Variants in ITGA2 observed in about 807,000 individuals in gnomAD.
ITGA2 encodes the protein integrin alpha-2.
A neutral mutation model predicts 146.3 loss-of-function variants in ITGA2; 101 were observed. The observed-to-expected ratio is 0.69, with a 90% confidence interval of 0.59 to 0.81. ITGA2 has a LOEUF of 0.81. Among genes scored for constraint, ITGA2 ranks in the 40% least tolerant of loss-of-function variants. The probability of loss-of-function intolerance (pLI) is 0.00; values close to 1 mark genes in which losing one functional copy is unlikely to be tolerated. For synonymous variants in ITGA2, 477 were observed against 487.1 expected (o/e 0.98, Z 0.27); for missense variants, 1,281 against 1,402.7 (o/e 0.91, Z 1.39).
rs1283086626 is a variant in ITGA2, at chr5:52,999,156, C to T, written c.64+9624C>T. Reference sequence around the variant, plus strand: ...CCTTTTCTGTTCTCATAAAGCAACACCATAATTTATCTTCAGCTTGACTCT... The same window carrying T: ...CCTTTTCTGTTCTCATAAAGCAACATCATAATTTATCTTCAGCTTGACTCT... On this transcript the variant is annotated intron_variant, in intron 1 of 29. Transcript: ENST00000296585. 3.3e-5 allele frequency among the ~76,000 whole-genome samples: 5 copies of T among 152,188 alleles called. 1 individual carries two copies. The South Asian group carries it at 1.0e-3, about 32-fold the overall frequency.
At chr5:53,030,252 T>G (rs1484079616) in intron 2 of ITGA2, among the ~76,000 whole-genome samples, 1 of 152,208 alleles carries the variant, frequency 6.6e-6, no homozygotes, top group African/African-American at 2.4e-5. Context: ...TAGTTTATAG[T>G]GAGATCCTAG....
intron 16 of ITGA2, among the ~76,000 whole-genome samples, chr5:53,069,298 A>T (rs572168333): frequency 2.6e-5 from 4 of 151,878 alleles, no homozygotes; most frequent in East Asian, 3.9e-4. Context: ...TTATCACATA[A>T]TTTTTTTTCA....
At chr5:53,003,161 C>T (rs900550778) in intron 1 of ITGA2, among the ~76,000 whole-genome samples, 2 of 152,126 alleles carry the variant, frequency 1.3e-5, no homozygotes, top group African/African-American at 4.8e-5. Context: ...GACAAACTGC[C>T]CTTTGTCTTT....
rs774650850 is a variant in ITGA2 at position 53,083,411 on chromosome 5, T to C, written c.3216T>C (p.Phe1072=). Residue 1072 remains phenylalanine (F), a synonymous_variant, in exon 27 of 30, where the codon TTT becomes TTC. Transcript: ENST00000296585. Reference sequence around the variant, plus strand: ...ACGTTCACATGAAAGGAGAATACTTTGTTAATGTGACTACCAGAATTTGGA... The same window carrying C: ...ACGTTCACATGAAAGGAGAATACTTCGTTAATGTGACTACCAGAATTTGGA... The part of the protein sequence containing the change: ...LKDVHMKGEY[F]VNVTTRIWNG... The C allele has an allele frequency of 2.5e-6, 4 of 1,613,054 alleles. No homozygotes were observed. Among genetic ancestry groups the C allele is most frequent in the African/African-American group, 1.3e-5 (1 of 75,016 alleles).
intron 1 of ITGA2, among the ~76,000 whole-genome samples, chr5:53,017,587 A>G (rs1742454699): frequency 2.0e-5 from 3 of 152,230 alleles, no homozygotes; most frequent in Admixed American, 2.0e-4. Context: ...CTGTGGCAGC[A>G]TGGCCGTGTG....
At chr5:53,060,831 A>T in intron 11 of ITGA2, 70 bp from the exon 12 acceptor site, 1 of 1,421,302 alleles carries the variant, frequency 7.0e-7, no homozygotes, top group Non-Finnish European at 9.9e-7. Flanking sequence ...GGTCACCTTT[A>T]CTCACTTCTT....
Position 53,092,587 on chromosome 5 carries a change from G to T in ITGA2, c.*1988G>T, listed in dbSNP as rs899013229. ...CCAGAGTCCAATTCTTTTAACAGCT[G>T]TGAGAATTTGCTGCTTCATTCCAAC... On this transcript the variant is annotated 3_prime_UTR_variant, in exon 30 of 30. Coordinates refer to ENST00000296585, the MANE Select transcript of ITGA2 (RefSeq NM_002203.4). 22 of 150,860 alleles carry T rather than the reference G, an allele frequency of 1.5e-4. No homozygotes were observed. Among genetic ancestry groups the T allele is most frequent in the African/African-American group, 4.6e-4 (19 of 40,902 alleles). The allele number at this position is 150,860 out of a possible 1,614,324, so 9.3% of individuals were successfully genotyped here.
At chr5:53,049,612 A>C (rs935524390) in intron 6 of ITGA2, among the ~76,000 whole-genome samples, 4 of 152,166 alleles carry the variant, frequency 2.6e-5, no homozygotes, top group Admixed American at 2.0e-4. Context: ...TATTTTAAGA[A>C]GTCTTTAATT....
Position 53,070,254 on chromosome 5 carries a change from T to A in ITGA2, c.2229T>A (p.Tyr743Ter). 1 of 1,611,712 alleles carries A rather than the reference T, an allele frequency of 6.2e-7. No homozygotes were observed. The highest frequency in any genetic ancestry group is 8.5e-7 in the Non-Finnish European group (1 of 1,178,434). ...QAQSCPEHII[Y>*]IQEPSDVVNS... ...AGAGTTGCCCCGAGCACATCATTTA[T>A]ATACAGGTAAGGCCTCAGGAACATC... The change falls in exon 17 of 30, where the codon TAT becomes TAA. Residue 743 changes from tyrosine to a stop codon, truncating the protein, a stop_gained. Coordinates refer to ENST00000296585, the MANE Select transcript of ITGA2 (RefSeq NM_002203.4). LOFTEE classifies it high-confidence loss of function.
intron 1 of ITGA2, among the ~76,000 whole-genome samples, chr5:53,021,711 A>G (rs762658054): frequency 5.3e-5 from 8 of 152,208 alleles, no homozygotes; most frequent in Non-Finnish European, 1.2e-4. Context: ...CTGTGCTCAC[A>G]GTTAGAGATA....
intron 1 of ITGA2, among the ~76,000 whole-genome samples, chr5:53,015,573 T>C (rs1056262992): frequency 6.6e-6 from 1 of 152,278 alleles, no homozygotes; most frequent in South Asian, 2.1e-4. Flanking sequence ...TTCTATTGTT[T>C]TGGTGTAGAA....
intron 15 of ITGA2, 21 bp downstream of exon 15, chr5:53,065,998 CACAA>C (rs1235852790): frequency 1.2e-6 from 2 of 1,609,968 alleles, no homozygotes; most frequent in Non-Finnish European, 1.7e-6. Context: ...AAGAGCCAGA[CACAA>C]ACTAACTAAA....
chr5:53,070,395 A>G (rs931807937), intron 17 of ITGA2, 135 bp downstream of exon 17: 11 of 767,634 alleles, frequency 1.4e-5, no homozygotes, highest in Non-Finnish European at 2.4e-5. Context: ...TAATTCCATA[A>G]ATAAGAAGCA....
In ITGA2 at chr5:53,094,003, T is replaced by G. The variant is rs1183806468; in HGVS notation, c.*3404T>G. 7.9e-5 allele frequency: 12 copies of G among 152,594 alleles called. No individual in the cohort carries two copies. The highest frequency in any genetic ancestry group is 1.5e-5 in the Non-Finnish European group (1 of 68,012). The allele number at this position is 152,594 out of a possible 1,614,324, so 9.5% of individuals were successfully genotyped here. Reference sequence around the variant, plus strand: ...GAGTAAAACTAAAGCCAATTTATTATAGTCACACAAGTGATTATACTAAAA... The same window carrying G: ...GAGTAAAACTAAAGCCAATTTATTAGAGTCACACAAGTGATTATACTAAAA... On this transcript the variant is annotated 3_prime_UTR_variant, in exon 30 of 30. Coordinates refer to ENST00000296585, the MANE Select transcript of ITGA2 (RefSeq NM_002203.4).
intron 1 of ITGA2, among the ~76,000 whole-genome samples, chr5:53,021,775 CT>C (rs1356902551): frequency 6.6e-6 from 1 of 152,180 alleles, no homozygotes; most frequent in Admixed American, 6.5e-5. Flanking sequence ...ATTGTTCCCC[CT>C]AGAAGTGCAG....
intron 1 of ITGA2, among the ~76,000 whole-genome samples, chr5:53,019,034 A>T (rs1742541091): frequency 6.6e-6 from 1 of 152,136 alleles, no homozygotes; most frequent in Admixed American, 6.5e-5. Context: ...ATTGCTCTCC[A>T]GCCTGGGTAA....
chr5:53,065,432 C>G lies in ITGA2; in HGVS notation c.1806+317C>G, dbSNP rs369055556. ...GGAATTTTTAAAAAAGCAAATGAAA[C>G]TAAAATAGGAAATAAAATTTCAGCA... On this transcript the variant is annotated intron_variant, in intron 14 of 29. Coordinates refer to ENST00000296585, the MANE Select transcript of ITGA2 (RefSeq NM_002203.4). Among the ~76,000 whole-genome samples the G allele has an allele frequency of 4.5e-4, 68 of 151,876 alleles. 1 individual carries two copies. In the South Asian group the frequency reaches 0.012, roughly 27 times the overall value.
chr5:53,068,157 A>C (rs1474231426), intron 16 of ITGA2, among the ~76,000 whole-genome samples: 1 of 151,972 alleles, frequency 6.6e-6, no homozygotes, highest in Non-Finnish European at 1.5e-5. Context: ...GAAGCAGGTT[A>C]TTTGCCATAA....
At chr5:53,019,500 G>T (rs1241518398) in intron 1 of ITGA2, among the ~76,000 whole-genome samples, 1 of 151,986 alleles carries the variant, frequency 6.6e-6, no homozygotes, top group Non-Finnish European at 1.5e-5. Context: ...AACAGTCATG[G>T]TATTGCAGGG....
Sources: allele counts gnomAD v4.1 joint callset (sites outside exome capture counted in the v4.1 genomes callset), GRCh38; gene constraint gnomAD v4.1.1; transcripts MANE v1.5; gene names NCBI Gene and HGNC (gene_info 2026-07-23, HGNC 2026-07-21).